The following PREX1 variants were observed in gnomAD, a reference collection of about 807,000 sequenced individuals.
PREX1 encodes the protein phosphatidylinositol-3,4,5-trisphosphate dependent Rac exchange factor 1, also known as phosphatidylinositol 3,4,5-trisphosphate-dependent Rac exchanger 1 protein.
A neutral mutation model predicts 198.3 loss-of-function variants in PREX1; 41 were observed. The observed-to-expected ratio is 0.21, with a 90% CI of 0.16 to 0.27. The LOEUF (loss-of-function observed/expected upper bound fraction) is 0.27. Ranked by LOEUF, PREX1 falls within the 10% of genes least tolerant of loss-of-function variation. The pLI, the probability that PREX1 is intolerant of heterozygous loss-of-function variation, is 1.00. For synonymous variants in PREX1, 843 were observed against 887.2 expected (o/e 0.95, Z 0.89); for missense variants, 1,620 against 2,200.7 (o/e 0.74, Z 5.28).
At chr20:48,713,849 C>A (rs2123100579) in intron 5 of PREX1, among the ~76,000 whole-genome samples, 1 of 125,250 alleles carries the variant, frequency 8.0e-6, no homozygotes, top group Non-Finnish European at 1.6e-5. Flanking sequence ...ACATGTATCC[C>A]AGAACTATAA....
At chr20:48,830,372 A>G (rs2090534649), upstream of PREX1, among the ~76,000 whole-genome samples, 1 of 152,226 alleles carries the variant, frequency 6.6e-6, no homozygotes, top group African/African-American at 2.4e-5. Context: ...AAAAATAAAC[A>G]GAAAAAGTGT....
At position 48,660,019 on chromosome 20, in the gene PREX1, C is replaced by A; in HGVS notation, c.1781G>T (p.Arg594Leu). 2 of 1,614,172 alleles carry A rather than the reference C, an allele frequency of 1.2e-6. No individual in the cohort carries two copies. The highest frequency in any genetic ancestry group is 1.7e-6 in the Non-Finnish European group (2 of 1,180,024). ...CTCCATCTCCTCGTCAGCATGAAAG[C>A]GGAAGTACTGGGACTCATCCCTGAA... ...SEFRDESQYFRFHADEEMEGT... is the reference protein window; with the variant it reads ...SEFRDESQYFLFHADEEMEGT... The change falls in exon 16 of 40, where the codon CGC becomes CTC. Residue 594 changes from arginine (R) to leucine (L), a missense_variant. By Grantham distance (102) the Arg-to-Leu change is moderately radical (BLOSUM62 -2). This residue lies in a region of PREX1 where 488 missense variants were observed against 802.5 expected (regional missense o/e 0.61). Transcript: ENST00000371941.
At chr20:48,665,812 T>A (rs952239139) in intron 15 of PREX1, among the ~76,000 whole-genome samples, 1 of 151,992 alleles carries the variant, frequency 6.6e-6, no homozygotes, top group Non-Finnish European at 1.5e-5. Flanking sequence ...TACCTGCCTC[T>A]CTCCCAATGG....
intron 1 of PREX1, among the ~76,000 whole-genome samples, chr20:48,767,101 ACT>A (rs1246222579): frequency 6.1e-4 from 93 of 152,088 alleles, no homozygotes; most frequent in African/African-American, 2.2e-3. Flanking sequence ...CTGCTCCCAC[ACT>A]CTGTTCCCTC....
At chr20:48,682,724 G>A (rs933161122) in intron 10 of PREX1, among the ~76,000 whole-genome samples, 8 of 152,078 alleles carry the variant, frequency 5.3e-5, no homozygotes, top group South Asian at 4.2e-4. Flanking sequence ...TAGTTCTTGC[G>A]GGTGCTTCTC....
At chr20:48,840,721 T>C in the PREX1 span, among the ~76,000 whole-genome samples, 1 of 152,244 alleles carries the variant, frequency 6.6e-6, no homozygotes, top group Non-Finnish European at 1.5e-5. Flanking sequence ...GGCACAGCCT[T>C]TAAGGCTGGC....
the PREX1 span, among the ~76,000 whole-genome samples, chr20:48,848,252 T>C: frequency 6.6e-6 from 1 of 151,820 alleles, no homozygotes; most frequent in East Asian, 1.9e-4. Flanking sequence ...TTTTTTCTTT[T>C]TTTTTTTTTT....
At chr20:48,715,831 T>C (rs2089959969) in intron 5 of PREX1, among the ~76,000 whole-genome samples, 1 of 152,138 alleles carries the variant, frequency 6.6e-6, no homozygotes. Context: ...AATTTAAGTG[T>C]ATTAAGTCAT....
intron 1 of PREX1, among the ~76,000 whole-genome samples, chr20:48,776,396 G>C (rs2090261953): frequency 6.6e-6 from 1 of 152,220 alleles, no homozygotes; most frequent in Non-Finnish European, 1.5e-5. Context: ...TGTCCAAGGA[G>C]GTGGCACCTG....
At chr20:48,875,374 G>A in the PREX1 span, among the ~76,000 whole-genome samples, 2 of 152,214 alleles carry the variant, frequency 1.3e-5, no homozygotes, top group Non-Finnish European at 2.9e-5. Context: ...GGATGACTGT[G>A]AGGAGGAAAG....
At chr20:48,832,952 ACTT>A (rs528603333), upstream of PREX1, among the ~76,000 whole-genome samples, 748 of 152,278 alleles carry the variant, frequency 4.9e-3, 2 homozygotes, top group Non-Finnish European at 8.4e-3. Context: ...AACATGCACG[ACTT>A]CTTCTCCAGC....
chr20:48,791,307 G>A (rs918184946), intron 1 of PREX1, among the ~76,000 whole-genome samples: 4 of 152,162 alleles, frequency 2.6e-5, no homozygotes, highest in South Asian at 2.1e-4. Flanking sequence ...TAATAATAAC[G>A]GTGGCTGACA....
intron 9 of PREX1, 44 bp downstream of exon 9, chr20:48,690,903 A>G (rs2089815581): frequency 3.1e-6 from 5 of 1,611,308 alleles, no homozygotes; most frequent in Non-Finnish European, 4.2e-6. Context: ...GAAGCCACGC[A>G]TAGCTCAGGG....
the PREX1 span, among the ~76,000 whole-genome samples, chr20:48,875,997 A>G: frequency 5.3e-5 from 8 of 152,130 alleles, no homozygotes; most frequent in East Asian, 1.9e-4. Context: ...GATGCCTGAC[A>G]TGGGAACGAG....
the PREX1 span, among the ~76,000 whole-genome samples, chr20:48,878,920 T>C: frequency 6.6e-6 from 1 of 152,184 alleles, no homozygotes; most frequent in Non-Finnish European, 1.5e-5. Flanking sequence ...ATAATGGAAG[T>C]ATTGAGGCTC....
intron 1 of PREX1, among the ~76,000 whole-genome samples, chr20:48,758,379 G>A (rs543280832): frequency 6.6e-6 from 1 of 152,322 alleles, no homozygotes; most frequent in South Asian, 2.1e-4. Context: ...CGCAGGTGCT[G>A]GCAGTGGAGC....
intron 1 of PREX1, among the ~76,000 whole-genome samples, chr20:48,821,373 G>A (rs1330213320): frequency 1.1e-4 from 17 of 152,154 alleles, no homozygotes; most frequent in Non-Finnish European, 1.9e-4. Flanking sequence ...TATGTCACCT[G>A]CAAAACAAGG....
At chr20:48,867,158 C>T in the PREX1 span, among the ~76,000 whole-genome samples, 2 of 152,240 alleles carry the variant, frequency 1.3e-5, no homozygotes, top group East Asian at 3.8e-4. Context: ...CCCACTTAAT[C>T]TCTCTTTGGA....
At chr20:48,659,168 G>T in intron 16 of PREX1, among the ~76,000 whole-genome samples, 1 of 126,960 alleles carries the variant, frequency 7.9e-6, no homozygotes, top group African/African-American at 2.9e-5. Context: ...GGAGAAAGGG[G>T]AAGGGAGGGG....
Sources: allele counts gnomAD v4.1 joint callset (sites outside exome capture counted in the v4.1 genomes callset), GRCh38; gene constraint gnomAD v4.1.1; regional missense constraint gnomAD v4.1.1; transcripts MANE v1.5; gene names NCBI Gene and HGNC (gene_info 2026-07-23, HGNC 2026-07-21).